The following KIAA1549L variants were observed in gnomAD, a reference collection of about 807,000 sequenced individuals.
KIAA1549L encodes the protein KIAA1549 like.
In KIAA1549L, 88 loss-of-function variants were observed where a neutral mutation model predicts 160.7. That is an observed-to-expected ratio of 0.55 (90% CI 0.46 to 0.65). The LOEUF (loss-of-function observed/expected upper bound fraction) is 0.65. Among genes scored for constraint, KIAA1549L ranks in the 30% least tolerant of loss-of-function variants. The pLI, the probability that KIAA1549L is intolerant of heterozygous loss-of-function variation, is 0.00. For missense variants in KIAA1549L, 2,258 were observed against 2,437.5 expected (o/e 0.93, Z 1.55); for synonymous variants, 950 against 976.7 (o/e 0.97, Z 0.51).
At position 33,382,827 on chromosome 11, in the gene KIAA1549L, C is replaced by T. The variant is rs751553897; in HGVS notation, c.238+5938C>T. On this transcript the variant is annotated intron_variant, in intron 1 of 20. Transcript: ENST00000658780. ...AGGAGTCCCTGGCACCCTCTCCCTG[C>T]CCTGGGACTTCCCCTGGCCCTCCTC... Among the ~76,000 whole-genome samples the T allele has an allele frequency of 2.6e-5, 4 of 152,236 alleles. No homozygotes were observed. In the East Asian group the frequency reaches 5.8e-4, roughly 22 times the overall value.
intron 12 of KIAA1549L, among the ~76,000 whole-genome samples, chr11:33,592,411 T>A (rs1396273285): frequency 6.6e-6 from 1 of 152,198 alleles, no homozygotes; most frequent in Non-Finnish European, 1.5e-5. Flanking sequence ...AATAGCCTTA[T>A]AAAGAGGTAA....
At chr11:33,435,961 T>TAA (rs35891099) in intron 1 of KIAA1549L, among the ~76,000 whole-genome samples, 2,191 of 116,092 alleles carry the variant, frequency 0.019, 48 homozygotes, top group African/African-American at 0.048. Context: ...CTAAAATATC[T>TAA]AAAAAAAAAA....
chr11:33,397,936 C>CT (rs1850419784), intron 1 of KIAA1549L, among the ~76,000 whole-genome samples: 10 of 84,172 alleles, frequency 1.2e-4, no homozygotes, highest in Admixed American at 3.2e-4. Context: ...TTTTTTTTTT[C>CT]TTTTTTTGAG....
At chr11:33,485,911 A>G (rs1418607061) in intron 1 of KIAA1549L, among the ~76,000 whole-genome samples, 3 of 152,094 alleles carry the variant, frequency 2.0e-5, no homozygotes, top group African/African-American at 7.2e-5. Flanking sequence ...TTCACTTGAT[A>G]TAATGTCCTC....
chr11:33,556,300 T>C (rs1445106133), intron 6 of KIAA1549L, among the ~76,000 whole-genome samples: 1 of 152,210 alleles, frequency 6.6e-6, no homozygotes, highest in Non-Finnish European at 1.5e-5. Context: ...AGCACTTTCA[T>C]TTCTCATTAT....
At chr11:33,400,591 C>G (rs1850479405) in intron 1 of KIAA1549L, among the ~76,000 whole-genome samples, 1 of 152,124 alleles carries the variant, frequency 6.6e-6, no homozygotes, top group Non-Finnish European at 1.5e-5. Context: ...TCTTTTAAAG[C>G]AAAGTTGGCA....
chr11:33,499,816 C>G (rs531454705), intron 1 of KIAA1549L, among the ~76,000 whole-genome samples: 135 of 152,304 alleles, frequency 8.9e-4, no homozygotes, highest in African/African-American at 3.1e-3. Flanking sequence ...TATGTGACAG[C>G]CCTATGGTAG....
At chr11:33,459,684 G>A (rs770485675) in intron 1 of KIAA1549L, among the ~76,000 whole-genome samples, 2 of 151,970 alleles carry the variant, frequency 1.3e-5, no homozygotes, top group East Asian at 1.9e-4. Flanking sequence ...TCATCGGGCC[G>A]GGCGCGGTGG....
intron 15 of KIAA1549L, among the ~76,000 whole-genome samples, 182 bp from the exon 16 acceptor site, chr11:33,618,351 A>G (rs1232933191): frequency 8.1e-6 from 1 of 123,288 alleles, no homozygotes; most frequent in African/African-American, 4.1e-5. Context: ...AGCATCTGGA[A>G]AAAAAAAAAT....
intron 1 of KIAA1549L, among the ~76,000 whole-genome samples, chr11:33,526,254 G>A (rs1467249101): frequency 6.6e-6 from 1 of 152,188 alleles, no homozygotes; most frequent in East Asian, 1.9e-4. Flanking sequence ...GAACAACCCT[G>A]CTCCAAAGAA....
At chr11:33,574,907 A>G (rs1855395419) in intron 10 of KIAA1549L, 34 bp downstream of exon 10, 1 of 1,550,640 alleles carries the variant, frequency 6.4e-7, no homozygotes, top group African/African-American at 1.4e-5. Context: ...AGTCTTTTTA[A>G]TGCCATTAAA....
At chr11:33,637,080 G>A (rs1410652543) in intron 16 of KIAA1549L, among the ~76,000 whole-genome samples, 1 of 152,180 alleles carries the variant, frequency 6.6e-6, no homozygotes, top group African/African-American at 2.4e-5. Context: ...AATTCAGCAA[G>A]TGGAAGGGCC....
chr11:33,533,333 G>C (rs546808381), intron 1 of KIAA1549L, among the ~76,000 whole-genome samples: 5 of 152,318 alleles, frequency 3.3e-5, no homozygotes, highest in African/African-American at 9.6e-5. Context: ...TTCCTGAGAT[G>C]TGGGGAGTCT....
chr11:33,561,851 T>C (rs1041388960), intron 8 of KIAA1549L, 116 bp downstream of exon 8: 4 of 738,008 alleles, frequency 5.4e-6, no homozygotes, highest in Admixed American at 2.4e-5. Flanking sequence ...GTCTTATAAG[T>C]CAGGAAGTTA....
chr11:33,439,837 G>A (rs990288698), intron 1 of KIAA1549L, among the ~76,000 whole-genome samples: 2 of 151,880 alleles, frequency 1.3e-5, no homozygotes, highest in South Asian at 2.1e-4. Flanking sequence ...GGTATTTTCC[G>A]GGTATGTCTT....
intron 1 of KIAA1549L, among the ~76,000 whole-genome samples, chr11:33,527,775 G>A (rs191350746): frequency 3.0e-4 from 46 of 152,236 alleles, no homozygotes; most frequent in African/African-American, 9.9e-4. Flanking sequence ...GGTTAAGGAC[G>A]TGAATAGACA....
chr11:33,598,821 A>C lies in KIAA1549L; in HGVS notation c.4753A>C (p.Arg1585=). 2 of 1,613,856 alleles carry C rather than the reference A, an allele frequency of 1.2e-6. No individual in the cohort carries two copies. Among genetic ancestry groups the C allele is most frequent in the Non-Finnish European group, 1.7e-6 (2 of 1,179,784 alleles). The change falls in exon 13 of 21, where the codon AGG becomes CGG. Residue 1585 remains arginine, a splice_region_variant and synonymous_variant. Coordinates refer to ENST00000658780, the MANE Select transcript of KIAA1549L (RefSeq NM_012194.3). Reference sequence around the variant, plus strand: ...CCCTGTTGCTATGGTTACCTCCAGCAGGTCGCCCAGTGAGAATGGCTCTGT... The same window carrying C: ...CCCTGTTGCTATGGTTACCTCCAGCCGGTCGCCCAGTGAGAATGGCTCTGT... ...TAKSTETRKS[R]SPSENGSVIS...
In KIAA1549L at chr11:33,601,948, A is replaced by T. The variant is rs1288392059; in HGVS notation, c.4879+3001A>T. ...ACATGAGAGCTAGGATTTTGAAAGC[A>T]AAAAGAGTTTGGTGCTTTCTCAACC... On this transcript the variant is annotated intron_variant, in intron 13 of 20. Coordinates refer to ENST00000658780, the MANE Select transcript of KIAA1549L (RefSeq NM_012194.3). 2.0e-5 allele frequency among the ~76,000 whole-genome samples: 3 copies of T among 152,238 alleles called. No individual in the cohort carries two copies. The East Asian group carries it at 5.8e-4, about 29-fold the overall frequency.
chr11:33,650,845 C>T (rs1036776871), intron 17 of KIAA1549L, among the ~76,000 whole-genome samples: 5 of 152,220 alleles, frequency 3.3e-5, no homozygotes, highest in African/African-American at 1.2e-4. Context: ...CTCTTCTTTT[C>T]CTGCACCCCG....
Sources: allele counts gnomAD v4.1 joint callset (sites outside exome capture counted in the v4.1 genomes callset), GRCh38; gene constraint gnomAD v4.1.1; transcripts MANE v1.5; gene names NCBI Gene and HGNC (gene_info 2026-07-23, HGNC 2026-07-21).